MAP3K20: variants seen among roughly 807,000 people sequenced by gnomAD.
The protein encoded by MAP3K20 is HCCS-4.
In MAP3K20, 40 loss-of-function variants were observed where a neutral mutation model predicts 85.7. The observed-to-expected ratio is 0.47, with a 90% CI of 0.36 to 0.61. The LOEUF (loss-of-function observed/expected upper bound fraction) is 0.61. Ranked by LOEUF, MAP3K20 falls within the 20% of genes least tolerant of loss-of-function variation. The pLI, the probability that MAP3K20 is intolerant of heterozygous loss-of-function variation, is 0.00. For missense variants in MAP3K20, 817 were observed against 961.7 expected (o/e 0.85, Z 1.99); for synonymous variants, 325 against 327.7 (o/e 0.99, Z 0.09).
intron 2 of MAP3K20, among the ~76,000 whole-genome samples, chr2:173,157,769 C>T (rs1689520541): frequency 3.3e-5 from 5 of 152,172 alleles, no homozygotes; most frequent in Admixed American, 3.3e-4. Flanking sequence ...GGCCTGATGG[C>T]CTAGTGCCTG....
chr2:173,232,593 T>G, intron 14 of MAP3K20, 134 bp downstream of exon 14: 1 of 1,342,566 alleles, frequency 7.4e-7, no homozygotes, highest in Non-Finnish European at 1.0e-6. Flanking sequence ...ACCCTCCGCC[T>G]CCTGGGTTCA....
chr2:173,186,903 T>C (rs1236782915), intron 4 of MAP3K20, among the ~76,000 whole-genome samples: 1 of 152,212 alleles, frequency 6.6e-6, no homozygotes, highest in African/African-American at 2.4e-5. Flanking sequence ...TATGTTGAAA[T>C]ACAGATTATC....
At chr2:173,185,248 TAAAA>T (rs1273183120) in intron 4 of MAP3K20, among the ~76,000 whole-genome samples, 1 of 151,704 alleles carries the variant, frequency 6.6e-6, no homozygotes, top group East Asian at 1.9e-4. Context: ...CTCAAAAAAA[TAAAA>T]AAAGGGAAGG....
intron 2 of MAP3K20, among the ~76,000 whole-genome samples, chr2:173,116,273 G>A (rs1461207773): frequency 1.3e-5 from 2 of 152,168 alleles, no homozygotes; most frequent in Non-Finnish European, 2.9e-5. Context: ...CGATAGATCT[G>A]TTGGTGAGAA....
At chr2:173,120,983 A>G (rs1380620374) in intron 2 of MAP3K20, among the ~76,000 whole-genome samples, 1 of 151,194 alleles carries the variant, frequency 6.6e-6, no homozygotes, top group Non-Finnish European at 1.5e-5. Context: ...CTGGGATTAC[A>G]GGCGTGAGCC....
intron 2 of MAP3K20, among the ~76,000 whole-genome samples, chr2:173,097,484 A>G (rs1687497675): frequency 6.6e-6 from 1 of 152,190 alleles, no homozygotes. Flanking sequence ...TCTGGAAGAG[A>G]TGGGAACCTG....
intron 11 of MAP3K20, chr2:173,223,826 A>G (rs1684316679): frequency 3.0e-6 from 3 of 985,448 alleles, no homozygotes; most frequent in Non-Finnish European, 3.6e-6. Context: ...ACCTGACTTG[A>G]GTCAATGCAC....
At chr2:173,220,067 C>CAAAAAAAA (rs71018543) in intron 11 of MAP3K20, among the ~76,000 whole-genome samples, 5 of 114,224 alleles carry the variant, frequency 4.4e-5, no homozygotes, top group East Asian at 3.2e-4. Flanking sequence ...GACTCTGTCT[C>CAAAAAAAA]AAAAAAAAAA....
At chr2:173,093,922 A>G (rs1407525630) in intron 2 of MAP3K20, among the ~76,000 whole-genome samples, 1 of 144,390 alleles carries the variant, frequency 6.9e-6, no homozygotes, top group East Asian at 2.1e-4. Flanking sequence ...TCTCACTCAT[A>G]TGTGGGAATT....
intron 2 of MAP3K20, among the ~76,000 whole-genome samples, chr2:173,146,399 T>A (rs776106817): frequency 2.1e-4 from 32 of 152,190 alleles, no homozygotes; most frequent in Admixed American, 9.8e-4. Flanking sequence ...ATACTGAAGG[T>A]GAATTGAAGT....
chr2:173,264,209 T>A (rs1474797006), intron 19 of MAP3K20, among the ~76,000 whole-genome samples: 1 of 152,214 alleles, frequency 6.6e-6, no homozygotes, highest in Admixed American at 6.5e-5. Context: ...TCCCAGTGAT[T>A]AAGAACAACT....
chr2:173,075,734 C>G (rs1472273379), upstream of MAP3K20: 4 of 985,270 alleles, frequency 4.1e-6, no homozygotes, highest in Non-Finnish European at 3.6e-6. Context: ...GGGCGCAGGC[C>G]AGGGAGGCCC....
At chr2:173,223,114 G>A in intron 11 of MAP3K20, 12 of 985,366 alleles carry the variant, frequency 1.2e-5, no homozygotes, top group Non-Finnish European at 1.4e-5. Flanking sequence ...CCCCTTGAGA[G>A]GTGAAAAATA....
At chr2:173,193,456 T>G (rs931013324) in intron 7 of MAP3K20, among the ~76,000 whole-genome samples, 8 of 152,210 alleles carry the variant, frequency 5.3e-5, no homozygotes, top group Non-Finnish European at 1.2e-4. Flanking sequence ...AAACAAACTT[T>G]ATGCTGCCTT....
At chr2:173,084,297 T>C (rs937059631) in intron 1 of MAP3K20, among the ~76,000 whole-genome samples, 3 of 152,066 alleles carry the variant, frequency 2.0e-5, no homozygotes, top group Non-Finnish European at 4.4e-5. Context: ...TGCAATTGAC[T>C]GTGCAGCAGA....
chr2:173,132,003 A>T (rs919249447), intron 2 of MAP3K20, among the ~76,000 whole-genome samples: 50 of 152,242 alleles, frequency 3.3e-4, no homozygotes, highest in African/African-American at 1.2e-3. Flanking sequence ...AGGTCCCTGG[A>T]ATGGAAAGTC....
chr2:173,191,256 C>T, intron 7 of MAP3K20, 79 bp downstream of exon 7: 1 of 1,563,262 alleles, frequency 6.4e-7, no homozygotes, highest in Non-Finnish European at 8.6e-7. Flanking sequence ...TACAGTTTAA[C>T]ATGGTTTTAT....
At chr2:173,161,560 CTT>C (rs949205393) in intron 2 of MAP3K20, among the ~76,000 whole-genome samples, 1 of 152,088 alleles carries the variant, frequency 6.6e-6, no homozygotes, top group Non-Finnish European at 1.5e-5. Context: ...GGGTATCTGA[CTT>C]TTCTCACTCA....
intron 8 of MAP3K20, 150 bp from the exon 9 acceptor site, chr2:173,203,646 C>A: frequency 1.6e-6 from 1 of 623,336 alleles, no homozygotes; most frequent in Non-Finnish European, 2.8e-6. Flanking sequence ...CATAAATTGT[C>A]ACTTGTCACA....
Sources: allele counts gnomAD v4.1 joint callset (sites outside exome capture counted in the v4.1 genomes callset), GRCh38; gene constraint gnomAD v4.1.1; transcripts MANE v1.5; gene names NCBI Gene and HGNC (gene_info 2026-07-23, HGNC 2026-07-21).